The following CPQ variants were observed in gnomAD, a reference collection of about 807,000 sequenced individuals.
CPQ encodes the protein Ser-Met dipeptidase.
In CPQ, 37 loss-of-function variants were observed where a neutral mutation model predicts 45.7. That is an observed-to-expected ratio of 0.81 (90% CI 0.62 to 1.07). CPQ has a LOEUF of 1.07. Ranked by LOEUF, CPQ falls within the 50% of genes least tolerant of loss-of-function variation. CPQ has a pLI of 0.00. For synonymous variants in CPQ, 186 were observed against 205.8 expected, an observed-to-expected ratio of 0.90 and a Z score of 0.82; for missense variants, 537 against 572.9, an observed-to-expected ratio of 0.94 and a Z score of 0.64.
chr8:97,008,685 T>C (rs1809430215), intron 5 of CPQ, among the ~76,000 whole-genome samples: 1 of 152,186 alleles, frequency 6.6e-6, no homozygotes, highest in African/African-American at 2.4e-5. Flanking sequence ...TTATTATATA[T>C]GTGACCATAA....
chr8:96,926,759 T>C lies in CPQ; in HGVS notation c.850-39176T>C, dbSNP rs186222742. ...TTATTACATAGGTATACACGTGCCA[T>C]GGTGGTTTGCTGCACCCATCAACCT... On this transcript the variant is annotated intron_variant, in intron 4 of 7. Transcript: ENST00000220763. 7.6e-3 allele frequency among the ~76,000 whole-genome samples: 1,158 copies of C among 151,988 alleles called. 9 individuals are homozygous for C. The highest frequency in any genetic ancestry group is 0.027 in the African/African-American group (1,098 of 41,402).
chr8:97,031,481 C>T (rs1176469444), intron 6 of CPQ, among the ~76,000 whole-genome samples: 2 of 152,100 alleles, frequency 1.3e-5, no homozygotes, highest in African/African-American at 4.8e-5. Flanking sequence ...CCACCGTGCC[C>T]TCTTTTATTC....
intron 4 of CPQ, among the ~76,000 whole-genome samples, chr8:96,948,742 C>T (rs550639881): frequency 2.6e-5 from 4 of 152,012 alleles, no homozygotes; most frequent in African/African-American, 7.2e-5. Context: ...AGTGTGGTAT[C>T]GAAGTTTCCT....
chr8:97,044,691 T>C (rs902755829), intron 6 of CPQ, among the ~76,000 whole-genome samples: 2 of 152,216 alleles, frequency 1.3e-5, no homozygotes, highest in Non-Finnish European at 2.9e-5. Flanking sequence ...TTTGTTAGTT[T>C]TCCTTCTAAC....
At chr8:96,730,145 A>G (rs945929152) in intron 1 of CPQ, among the ~76,000 whole-genome samples, 1 of 152,236 alleles carries the variant, frequency 6.6e-6, no homozygotes, top group African/African-American at 2.4e-5. Context: ...GTGAACACAC[A>G]GGGACATAGA....
At chr8:96,740,843 G>A (rs926830670) in intron 1 of CPQ, among the ~76,000 whole-genome samples, 1 of 151,906 alleles carries the variant, frequency 6.6e-6, no homozygotes, top group Admixed American at 6.6e-5. Flanking sequence ...AGCTTTTTGA[G>A]GTGCTGCTGG....
intron 2 of CPQ, among the ~76,000 whole-genome samples, chr8:96,786,430 A>G (rs1211195712): frequency 6.6e-6 from 1 of 152,050 alleles, no homozygotes; most frequent in Admixed American, 6.6e-5. Flanking sequence ...GCATCAGTTG[A>G]TGGACATTGA....
At chr8:96,944,057 T>C (rs541990230) in intron 4 of CPQ, among the ~76,000 whole-genome samples, 48 of 152,316 alleles carry the variant, frequency 3.2e-4, no homozygotes, top group African/African-American at 1.1e-3. Flanking sequence ...ATTTAAAGGC[T>C]GGCTTCAATC....
intron 7 of CPQ, among the ~76,000 whole-genome samples, chr8:97,102,766 T>C (rs1811335394): frequency 6.6e-6 from 1 of 152,242 alleles, no homozygotes; most frequent in Non-Finnish European, 1.5e-5. Flanking sequence ...TGTCTAGTAT[T>C]ATCACTGGTG....
At chr8:96,861,319 G>A (rs528833028) in intron 3 of CPQ, among the ~76,000 whole-genome samples, 1 of 152,236 alleles carries the variant, frequency 6.6e-6, no homozygotes, top group East Asian at 1.9e-4. Context: ...TTATGACTAA[G>A]ACAAAGCAGA....
At chr8:96,933,255 G>A (rs576696789) in intron 4 of CPQ, among the ~76,000 whole-genome samples, 4 of 152,144 alleles carry the variant, frequency 2.6e-5, no homozygotes, top group Non-Finnish European at 5.9e-5. Context: ...GTGAGAAAAC[G>A]CCAAGTGTGT....
chr8:96,698,566 G>C (rs1041404853), intron 1 of CPQ, among the ~76,000 whole-genome samples: 7 of 152,050 alleles, frequency 4.6e-5, no homozygotes, highest in African/African-American at 1.7e-4. Flanking sequence ...ACAATCCACA[G>C]AATGGGAGAA....
chr8:96,772,668 T>A (rs1810558850), intron 1 of CPQ, among the ~76,000 whole-genome samples: 1 of 152,106 alleles, frequency 6.6e-6, no homozygotes, highest in African/African-American at 2.4e-5. Flanking sequence ...GAAGAGTGTT[T>A]GGAAAACGAG....
chr8:96,649,012 C>G (rs1294351162), intron 1 of CPQ, among the ~76,000 whole-genome samples: 1 of 152,236 alleles, frequency 6.6e-6, no homozygotes, highest in Non-Finnish European at 1.5e-5. Context: ...GGCAAGGCCT[C>G]TCTCTGTCAC....
At chr8:97,052,166 T>C (rs923342296) in intron 6 of CPQ, among the ~76,000 whole-genome samples, 1 of 152,210 alleles carries the variant, frequency 6.6e-6, no homozygotes, top group African/African-American at 2.4e-5. Context: ...TGATTATTGC[T>C]GCTACTTATT....
intron 2 of CPQ, among the ~76,000 whole-genome samples, chr8:96,814,001 C>CACATACATATATATACACACAT (rs35531513): frequency 2.0e-5 from 3 of 150,772 alleles, no homozygotes; most frequent in South Asian, 4.2e-4. Context: ...TATATATACA[C>CACATACATATATATACACACAT]ACATATATAT....
chr8:97,070,336 T>C (rs1346948432), intron 7 of CPQ, among the ~76,000 whole-genome samples: 1 of 152,200 alleles, frequency 6.6e-6, no homozygotes, highest in Admixed American at 6.6e-5. Flanking sequence ...GATATTGTTC[T>C]TGGAACACTA....
chr8:97,116,712 T>G (rs977422579), intron 7 of CPQ, among the ~76,000 whole-genome samples: 3 of 152,154 alleles, frequency 2.0e-5, no homozygotes, highest in Non-Finnish European at 4.4e-5. Flanking sequence ...CAAAGGAACA[T>G]GTAGAGATTT....
chr8:96,933,341 G>A (rs1234503229), intron 4 of CPQ, among the ~76,000 whole-genome samples: 5 of 152,196 alleles, frequency 3.3e-5, no homozygotes, highest in Non-Finnish European at 7.3e-5. Flanking sequence ...TTCTTCCTCT[G>A]TGTGGAACTG....
Sources: allele counts gnomAD v4.1 joint callset (sites outside exome capture counted in the v4.1 genomes callset), GRCh38; gene constraint gnomAD v4.1.1; transcripts MANE v1.5; gene names NCBI Gene and HGNC (gene_info 2026-07-23, HGNC 2026-07-21).